Variants in PALS2 observed in about 807,000 individuals in gnomAD.
The protein encoded by PALS2 is protein PALS2.
In PALS2, 27 loss-of-function variants were observed where a neutral mutation model predicts 61.6. The ratio of observed to expected loss-of-function variants is 0.44; its 90% CI spans 0.32 to 0.60. The LOEUF (loss-of-function observed/expected upper bound fraction) is 0.60, where lower values mean the gene tolerates loss of function less well. Among genes scored for constraint, PALS2 ranks in the 20% least tolerant of loss-of-function variants. The pLI, the probability that PALS2 is intolerant of heterozygous loss-of-function variation, is 0.05. For synonymous variants in PALS2, 236 were observed against 218.6 expected, an observed-to-expected ratio of 1.08 and a Z score of -0.70; for missense variants, 554 against 639.4, an observed-to-expected ratio of 0.87 and a Z score of 1.44.
chr7:24,665,793 G>T (rs1786984474), intron 7 of PALS2, 106 bp downstream of exon 7: 2 of 1,079,576 alleles, frequency 1.9e-6, no homozygotes, highest in Non-Finnish European at 2.7e-6. Flanking sequence ...TGTCTAGAAT[G>T]AATCCCTCCC....
At chr7:24,666,527 A>T (rs970521402) in intron 8 of PALS2, among the ~76,000 whole-genome samples, 2 of 152,206 alleles carry the variant, frequency 1.3e-5, no homozygotes, top group Admixed American at 6.5e-5. Context: ...GGACCAAATA[A>T]ATCTTAGTCT....
chr7:24,598,284 G>A (rs1783594269), intron 1 of PALS2, among the ~76,000 whole-genome samples: 1 of 152,134 alleles, frequency 6.6e-6, no homozygotes, highest in Admixed American at 6.5e-5. Context: ...TTAAATTTAT[G>A]AAGGACAAGT....
At chr7:24,638,914 A>G (rs888393635) in intron 2 of PALS2, among the ~76,000 whole-genome samples, 7 of 152,234 alleles carry the variant, frequency 4.6e-5, no homozygotes, top group Non-Finnish European at 1.5e-5. Context: ...AATTAAACCA[A>G]GGACTACTGT....
intron 6 of PALS2, among the ~76,000 whole-genome samples, chr7:24,665,129 G>T (rs1254746155): frequency 6.6e-6 from 1 of 151,688 alleles, no homozygotes; most frequent in Non-Finnish European, 1.5e-5. Flanking sequence ...GGGATATTCA[G>T]ACTCCTGGTG....
chr7:24,607,608 T>C (rs1783961158), intron 1 of PALS2, among the ~76,000 whole-genome samples: 1 of 150,304 alleles, frequency 6.7e-6, no homozygotes. Flanking sequence ...TGTGTATATA[T>C]ACATATATAT....
rs190357718 is a variant in PALS2 at position 24,582,916 on chromosome 7, G to C, written c.-3+9323G>C. Among the ~76,000 whole-genome samples the C allele has an allele frequency of 6.9e-5, 7 of 102,150 alleles. 1 individual carries two copies. In the East Asian group the frequency reaches 2.3e-3, roughly 33 times the overall value. The allele number at this position is 102,150 out of a possible 152,430, so 67.0% of individuals were successfully genotyped here. On this transcript the variant is annotated intron_variant, in intron 1 of 11. Transcript: ENST00000222644. The stretch of plus-strand genomic sequence containing the variant: ...TTTTTTTTTTTTTTTTTTTGAGACA[G>C]AGTCTTGCTCTGTCACCCAGGCTGC...
At chr7:24,651,236 G>A (rs773100865) in intron 5 of PALS2, among the ~76,000 whole-genome samples, 2 of 152,156 alleles carry the variant, frequency 1.3e-5, no homozygotes, top group African/African-American at 2.4e-5. Context: ...AAATGTTTTA[G>A]TTATAGAGAT....
rs70942878 is a variant in PALS2 at position 24,691,405 on chromosome 7, G to GTATATATATATA, written c.*3820_*3831dup. 24 of 110,592 alleles carry GTATATATATATA rather than the reference G, an allele frequency of 2.2e-4. No homozygotes were observed. Among genetic ancestry groups the GTATATATATATA allele is most frequent in the Non-Finnish European group, 4.2e-4 (22 of 52,292 alleles). The allele number at this position is 110,592 out of a possible 1,614,324, so 6.9% of individuals were successfully genotyped here. On this transcript the variant is annotated 3_prime_UTR_variant, in exon 12 of 12. Transcript: ENST00000222644. ...ATATTATGTATGTGTGTGTGTGTGT[G>GTATATATATATA]TATATATATATATATATATATATAT...
intron 11 of PALS2, among the ~76,000 whole-genome samples, chr7:24,686,354 T>C (rs1359559033): frequency 6.6e-6 from 1 of 152,134 alleles, no homozygotes; most frequent in Non-Finnish European, 1.5e-5. Context: ...CAGAGGTCTT[T>C]CCATCTCGTA....
intron 1 of PALS2, among the ~76,000 whole-genome samples, chr7:24,583,265 A>G (rs1252965633): frequency 6.6e-6 from 1 of 151,890 alleles, no homozygotes; most frequent in African/African-American, 2.4e-5. Context: ...AATGGAGGTC[A>G]GTAAAAAAAA....
chr7:24,585,692 C>CATTT (rs936306151), intron 1 of PALS2, among the ~76,000 whole-genome samples: 17 of 152,064 alleles, frequency 1.1e-4, no homozygotes, highest in African/African-American at 2.9e-4. Flanking sequence ...GAAGACTGCA[C>CATTT]ATTTATTTAT....
intron 9 of PALS2, among the ~76,000 whole-genome samples, chr7:24,669,976 G>A (rs1787217259): frequency 6.6e-6 from 1 of 151,974 alleles, no homozygotes; most frequent in Non-Finnish European, 1.5e-5. Context: ...ACATATAATG[G>A]GGAAAAAAAT....
chr7:24,687,000 A>C (rs1401187400), intron 11 of PALS2, among the ~76,000 whole-genome samples: 1 of 152,210 alleles, frequency 6.6e-6, no homozygotes, highest in Non-Finnish European at 1.5e-5. Flanking sequence ...GATCTTATAG[A>C]GAGGTAGCAA....
At chr7:24,606,565 G>A (rs1479136734) in intron 1 of PALS2, among the ~76,000 whole-genome samples, 3 of 152,034 alleles carry the variant, frequency 2.0e-5, no homozygotes, top group East Asian at 1.9e-4. Context: ...AAATAGAATA[G>A]CATTTATGTT....
At chr7:24,678,770 C>G (rs1016539823) in intron 9 of PALS2, among the ~76,000 whole-genome samples, 6 of 152,126 alleles carry the variant, frequency 3.9e-5, no homozygotes, top group Admixed American at 2.0e-4. Context: ...TTTTAAGAAG[C>G]ATATTTTTGG....
rs1409420355 is a variant in PALS2 at position 24,688,770 on chromosome 7, G to A, written c.*1156G>A. The A allele has an allele frequency of 6.7e-5, 10 of 149,636 alleles. No individual in the cohort carries two copies. The highest frequency in any genetic ancestry group is 6.7e-4 in the Admixed American group (10 of 14,974). 9.3% of individuals were successfully genotyped at this position (149,636 alleles called of 1,614,324 possible). A position where few individuals can be genotyped will look rare whatever the true frequency, so the allele number is the denominator to read the frequency against. On this transcript the variant is annotated 3_prime_UTR_variant, in exon 12 of 12. Transcript: ENST00000222644. Reference sequence around the variant, plus strand: ...ATGTATTATATAATATATATAAAATGTTTTGTATATTTTTTACATATCTGT... The same window carrying A: ...ATGTATTATATAATATATATAAAATATTTTGTATATTTTTTACATATCTGT...
intron 1 of PALS2, among the ~76,000 whole-genome samples, chr7:24,610,278 A>G (rs1287612269): frequency 6.6e-6 from 1 of 152,186 alleles, no homozygotes; most frequent in Non-Finnish European, 1.5e-5. Flanking sequence ...GTTAAGTGGT[A>G]GAATGCAGGT....
At chr7:24,600,203 A>G (rs1208876059) in intron 1 of PALS2, among the ~76,000 whole-genome samples, 1 of 152,184 alleles carries the variant, frequency 6.6e-6, no homozygotes, top group East Asian at 1.9e-4. Flanking sequence ...AAACTTGTTA[A>G]GCAGCTTGTT....
chr7:24,679,387 T>C, intron 10 of PALS2, 54 bp downstream of exon 10: 4 of 1,579,422 alleles, frequency 2.5e-6, no homozygotes, highest in Admixed American at 3.5e-5. Flanking sequence ...GTGGAGTTTT[T>C]TTCATGTGTG....
Sources: gnomAD v4.1 joint callset for allele counts (sites outside exome capture counted in the v4.1 genomes callset) on GRCh38, gnomAD v4.1.1 for gene constraint, MANE v1.5 for transcripts, NCBI Gene and HGNC (gene_info 2026-07-23, HGNC 2026-07-21) for gene names.